Variants in SPOCK3 observed in about 807,000 individuals in gnomAD.
SPOCK3 encodes SPARC (osteonectin), cwcv and kazal like domains proteoglycan 3, also known as testican-3.
A neutral mutation model predicts 56.6 loss-of-function variants in SPOCK3; 30 were observed. The observed-to-expected ratio is 0.53, with a 90% CI of 0.40 to 0.72. SPOCK3 has a LOEUF of 0.72. Ranked by LOEUF, SPOCK3 falls within the 30% of genes least tolerant of loss-of-function variation. The pLI is 0.00. For missense variants in SPOCK3, 527 were observed against 530.0 expected (o/e 0.99, Z 0.06); for synonymous variants, 196 against 183.3 (o/e 1.07, Z -0.56).
chr4:166,767,825 A>T (rs921575745), intron 7 of SPOCK3, among the ~76,000 whole-genome samples: 4 of 152,162 alleles, frequency 2.6e-5, no homozygotes, highest in Admixed American at 1.3e-4. Flanking sequence ...TGGGAGTCTA[A>T]GTCTCTTTGT....
intron 2 of SPOCK3, among the ~76,000 whole-genome samples, chr4:167,189,790 C>G (rs1247371359): frequency 6.9e-6 from 1 of 145,622 alleles, no homozygotes. Context: ...TTTCTTCCAC[C>G]ACCTAGTCTC....
In SPOCK3 at chr4:167,214,144, TA is replaced by T. The variant is rs149866498; in HGVS notation, c.189+19840del. 6.0e-3 allele frequency among the ~76,000 whole-genome samples: 906 copies of T among 152,236 alleles called. 55 individuals are homozygous for T. The East Asian group carries it at 0.13, about 22-fold the overall frequency. On this transcript the variant is annotated intron_variant, in intron 2 of 10. Coordinates refer to ENST00000357545, the MANE Select transcript of SPOCK3 (RefSeq NM_001040159.2). ...TTGGTTGAGGATGTCTTCCAAGATG[TA>T]AATTTAGAAAAGGTTTTAAGAATAT...
At chr4:167,164,290 G>T (rs1765570143) in intron 2 of SPOCK3, among the ~76,000 whole-genome samples, 1 of 151,886 alleles carries the variant, frequency 6.6e-6, no homozygotes, top group South Asian at 2.1e-4. Flanking sequence ...ATCATGTGAG[G>T]TTTTATGATT....
rs367609653 is a variant in SPOCK3 at position 166,927,804 on chromosome 4, TG to T, written c.351-15062del. 2.9e-3 allele frequency among the ~76,000 whole-genome samples: 445 copies of T among 152,134 alleles called. 7 individuals carry two copies. The East Asian group carries it at 0.032, about 11-fold the overall frequency. Reference sequence around the variant, plus strand: ...AATGATGAGGAGACAAGCCAGAGACTGGGGGAAAATATTTGCCAAAGACATA... The same window carrying T: ...AATGATGAGGAGACAAGCCAGAGACTGGGGAAAATATTTGCCAAAGACATA... On this transcript the variant is annotated intron_variant, in intron 4 of 10. Coordinates refer to ENST00000357545, the MANE Select transcript of SPOCK3 (RefSeq NM_001040159.2).
intron 3 of SPOCK3, among the ~76,000 whole-genome samples, chr4:167,037,232 C>T (rs1461882904): frequency 6.6e-6 from 1 of 152,038 alleles, no homozygotes; most frequent in African/African-American, 2.4e-5. Flanking sequence ...ACCTGGAATA[C>T]CAGCAAGTTG....
intron 2 of SPOCK3, among the ~76,000 whole-genome samples, chr4:167,130,307 A>T (rs1226514537): frequency 6.6e-6 from 1 of 152,166 alleles, no homozygotes; most frequent in East Asian, 1.9e-4. Context: ...TTAATTTTTA[A>T]TTATCAAAGT....
At chr4:167,171,762 A>C (rs1183229484) in intron 2 of SPOCK3, among the ~76,000 whole-genome samples, 1 of 152,120 alleles carries the variant, frequency 6.6e-6, no homozygotes, top group Non-Finnish European at 1.5e-5. Flanking sequence ...TTTCCTTAAC[A>C]TAAAGGAATT....
intron 8 of SPOCK3, chr4:166,754,271 T>G (rs1464580368): frequency 1.6e-5 from 20 of 1,234,182 alleles, no homozygotes; most frequent in Non-Finnish European, 1.6e-5. Context: ...GAAACTATAA[T>G]GTAGTGGCAT....
At chr4:167,162,474 A>T (rs769768154) in intron 2 of SPOCK3, among the ~76,000 whole-genome samples, 1 of 152,114 alleles carries the variant, frequency 6.6e-6, no homozygotes, top group African/African-American at 2.4e-5. Context: ...TTAAGTTTAA[A>T]TTATCAAAAG....
chr4:166,929,103 G>T (rs576064609), intron 4 of SPOCK3, among the ~76,000 whole-genome samples: 10 of 152,244 alleles, frequency 6.6e-5, no homozygotes, highest in African/African-American at 2.4e-4. Context: ...GCAATGTGTG[G>T]GGGCAGTAGG....
chr4:167,232,477 TGAAATGTC>T (rs1737277862), intron 2 of SPOCK3, among the ~76,000 whole-genome samples: 1 of 152,172 alleles, frequency 6.6e-6, no homozygotes, highest in Admixed American at 6.5e-5. Context: ...CATTAAATAA[TGAAATGTC>T]ATAATGTCAA....
At chr4:166,878,009 G>A (rs958579802) in intron 6 of SPOCK3, among the ~76,000 whole-genome samples, 22 of 152,168 alleles carry the variant, frequency 1.4e-4, no homozygotes, top group Non-Finnish European at 3.1e-4. Context: ...GGGCGCGGTG[G>A]CTCATGCCTG....
chr4:167,129,556 ATTCTGT>A (rs1762543372), intron 2 of SPOCK3, among the ~76,000 whole-genome samples: 1 of 151,628 alleles, frequency 6.6e-6, no homozygotes, highest in South Asian at 2.1e-4. Context: ...AATTTCAGAC[ATTCTGT>A]TTCTTTCTTT....
chr4:167,222,514 A>ACGTG, intron 2 of SPOCK3, among the ~76,000 whole-genome samples: 4 of 146,732 alleles, frequency 2.7e-5, no homozygotes, highest in African/African-American at 7.4e-5. Context: ...TGAATATATA[A>ACGTG]TATATAACAT....
intron 3 of SPOCK3, among the ~76,000 whole-genome samples, chr4:167,059,162 A>C (rs1755282331): frequency 6.6e-6 from 1 of 152,094 alleles, no homozygotes; most frequent in African/African-American, 2.4e-5. Context: ...GGATCTAATT[A>C]AACTAAAGAG....
In SPOCK3 at chr4:167,122,080, CTTTCT is replaced by C. The variant is rs996724139; in HGVS notation, c.190-59548_190-59544del. ...ATCCCTCCCTCCCTCTTTTCTTTTCCTTTCTTTTCTTTTTTCTTTTCTCTTCTCTT... is the reference window on the plus strand; with the variant it reads ...ATCCCTCCCTCCCTCTTTTCTTTTCCTTTCTTTTTTCTTTTCTCTTCTCTT... On this transcript the variant is annotated intron_variant, in intron 2 of 10. Transcript: ENST00000357545. Among the ~76,000 whole-genome samples, 8 of 148,522 alleles carry C rather than the reference CTTTCT, an allele frequency of 5.4e-5. No homozygotes were observed. In the South Asian group the frequency reaches 8.5e-4, roughly 16 times the overall value.
At chr4:167,117,940 G>A (rs1257956274) in intron 2 of SPOCK3, among the ~76,000 whole-genome samples, 1 of 152,116 alleles carries the variant, frequency 6.6e-6, no homozygotes, top group Non-Finnish European at 1.5e-5. Flanking sequence ...CTCCACTTTG[G>A]TAGCACAGCA....
chr4:167,154,838 C>T (rs1299139061), intron 2 of SPOCK3, among the ~76,000 whole-genome samples: 1 of 152,056 alleles, frequency 6.6e-6, no homozygotes, highest in Non-Finnish European at 1.5e-5. Context: ...AAAATCGGAT[C>T]ACAGGAACTT....
intron 2 of SPOCK3, among the ~76,000 whole-genome samples, chr4:167,114,209 C>T (rs1294838604): frequency 3.3e-5 from 5 of 152,042 alleles, no homozygotes; most frequent in South Asian, 2.1e-4. Context: ...TTGAAGGCAT[C>T]GGAGAGCTAG....
Sources: allele counts gnomAD v4.1 joint callset (sites outside exome capture counted in the v4.1 genomes callset), GRCh38; gene constraint gnomAD v4.1.1; transcripts MANE v1.5; gene names NCBI Gene and HGNC (gene_info 2026-07-23, HGNC 2026-07-21).